CNBD1: variants seen among roughly 807,000 people sequenced by gnomAD.
CNBD1 encodes the protein cyclic nucleotide-binding domain-containing protein 1.
CNBD1 carries 71 observed loss-of-function variants against 54.4 expected under a neutral mutation model. The ratio of observed to expected loss-of-function variants is 1.30; its 90% confidence interval spans 1.08 to 1.59. The LOEUF is 1.59. Among genes scored for constraint, CNBD1 ranks in the 40% most tolerant of loss-of-function variants. The probability of loss-of-function intolerance (pLI) is 0.00; values close to 1 mark genes in which losing one functional copy is unlikely to be tolerated. For synonymous variants in CNBD1, 182 were observed against 170.7 expected, an observed-to-expected ratio of 1.07 and a Z score of -0.51; for missense variants, 659 against 518.0, an observed-to-expected ratio of 1.27 and a Z score of -2.64.
intron 2 of CNBD1, among the ~76,000 whole-genome samples, chr8:87,389,204 C>T (rs1224099440): frequency 1.3e-5 from 2 of 152,104 alleles, no homozygotes; most frequent in Admixed American, 6.6e-5. Flanking sequence ...ACAGGGATGC[C>T]CTCTCTCACC....
intron 4 of CNBD1, among the ~76,000 whole-genome samples, chr8:87,038,595 A>G (rs1809998840): frequency 6.6e-6 from 1 of 152,230 alleles, no homozygotes; most frequent in African/African-American, 2.4e-5. Flanking sequence ...TATGGGAGTT[A>G]CAAATCTTGC....
At chr8:86,949,304 G>A (rs548816053) in intron 4 of CNBD1, among the ~76,000 whole-genome samples, 73 of 152,208 alleles carry the variant, frequency 4.8e-4, no homozygotes, top group African/African-American at 1.7e-3. Flanking sequence ...TTGGTATTTT[G>A]ATAGAGATTG....
intron 4 of CNBD1, among the ~76,000 whole-genome samples, chr8:87,002,252 C>T (rs900289584): frequency 2.6e-5 from 4 of 152,076 alleles, no homozygotes; most frequent in African/African-American, 9.7e-5. Flanking sequence ...TCACCAGCAT[C>T]TCTCTCATAC....
chr8:87,087,839 T>C (rs1394241499), intron 4 of CNBD1, among the ~76,000 whole-genome samples: 1 of 152,204 alleles, frequency 6.6e-6, no homozygotes, highest in African/African-American at 2.4e-5. Flanking sequence ...TTTACCTTTC[T>C]CATTTTACAG....
At chr8:87,239,812 T>C (rs1211355711) in intron 6 of CNBD1, among the ~76,000 whole-genome samples, 2 of 147,578 alleles carry the variant, frequency 1.4e-5, no homozygotes, top group African/African-American at 2.6e-5. Flanking sequence ...AGTGAAACAA[T>C]TTTTTTTTTG....
At chr8:87,170,715 A>G (rs940165963) in intron 4 of CNBD1, among the ~76,000 whole-genome samples, 5 of 152,138 alleles carry the variant, frequency 3.3e-5, no homozygotes, top group Admixed American at 6.5e-5. Context: ...GAGTATACCT[A>G]TCTTGAAGGG....
At chr8:87,158,239 T>G (rs533140711) in intron 4 of CNBD1, among the ~76,000 whole-genome samples, 26 of 152,134 alleles carry the variant, frequency 1.7e-4, no homozygotes, top group Non-Finnish European at 3.4e-4. Flanking sequence ...ATAACATTTC[T>G]CTGCCTCCAT....
chr8:87,379,548 TA>T (rs1033222369), intron 10 of CNBD1, among the ~76,000 whole-genome samples: 1 of 151,728 alleles, frequency 6.6e-6, no homozygotes, highest in African/African-American at 2.4e-5. Flanking sequence ...TTGTTAAATT[TA>T]AAAAAAATCC....
intron 4 of CNBD1, among the ~76,000 whole-genome samples, chr8:87,183,632 G>T (rs1366225320): frequency 6.6e-6 from 1 of 152,070 alleles, no homozygotes; most frequent in Non-Finnish European, 1.5e-5. Flanking sequence ...CAGAATTCTT[G>T]TACTAGTTCT....
Position 87,002,917 on chromosome 8 carries a change from T to TA in CNBD1, c.431+63170dup, listed in dbSNP as rs942992914. Among the ~76,000 whole-genome samples, 4 of 152,258 alleles carry TA rather than the reference T, an allele frequency of 2.6e-5. No individual in the cohort carries two copies. The East Asian group carries it at 5.8e-4, about 22-fold the overall frequency. ...AAGTTTCTGGCATGTATTATGTTTGTAAAAAAATATTTATTGACTATTTTA... is the reference window on the plus strand; with the variant it reads ...AAGTTTCTGGCATGTATTATGTTTGTAAAAAAAATATTTATTGACTATTTTA... On this transcript the variant is annotated intron_variant, in intron 4 of 10. Coordinates refer to ENST00000518476, the MANE Select transcript of CNBD1 (RefSeq NM_173538.3).
chr8:87,366,135 A>G (rs1427061608), intron 10 of CNBD1, among the ~76,000 whole-genome samples: 1 of 152,092 alleles, frequency 6.6e-6, no homozygotes, highest in Non-Finnish European at 1.5e-5. Flanking sequence ...TAAATTTAGC[A>G]GCTTTAAACA....
intron 4 of CNBD1, among the ~76,000 whole-genome samples, chr8:87,203,915 G>A (rs904233141): frequency 1.3e-5 from 2 of 152,186 alleles, no homozygotes; most frequent in Non-Finnish European, 2.9e-5. Flanking sequence ...CAACATTGCT[G>A]TTTTGCTGGG....
intron 4 of CNBD1, among the ~76,000 whole-genome samples, chr8:87,100,772 G>A (rs757089904): frequency 3.9e-4 from 60 of 152,204 alleles, no homozygotes; most frequent in African/African-American, 1.4e-3. Flanking sequence ...ACCATGCCTG[G>A]CCAGAAAGCC....
At chr8:87,363,687 T>A (rs1410622550) in intron 10 of CNBD1, among the ~76,000 whole-genome samples, 1 of 152,098 alleles carries the variant, frequency 6.6e-6, no homozygotes, top group Non-Finnish European at 1.5e-5. Flanking sequence ...TTTCGCCCAC[T>A]TTTTGATGGG....
intron 4 of CNBD1, among the ~76,000 whole-genome samples, chr8:87,080,607 C>T (rs1487556405): frequency 6.6e-6 from 1 of 151,730 alleles, no homozygotes; most frequent in African/African-American, 2.4e-5. Flanking sequence ...TTCCCTTTTA[C>T]TTTCTGCAAA....
At chr8:87,390,354 C>A (rs1163125738) in intron 2 of CNBD1, among the ~76,000 whole-genome samples, 1 of 152,094 alleles carries the variant, frequency 6.6e-6, no homozygotes, top group Non-Finnish European at 1.5e-5. Flanking sequence ...ACTCATCTGA[C>A]AAAGGGCTAA....
At chr8:86,885,389 C>T (rs1297662109) in intron 1 of CNBD1, among the ~76,000 whole-genome samples, 1 of 152,088 alleles carries the variant, frequency 6.6e-6, no homozygotes, top group Non-Finnish European at 1.5e-5. Context: ...ATTTTCTAAC[C>T]CCTTTCCAGC....
intron 2 of CNBD1, among the ~76,000 whole-genome samples, chr8:87,396,097 A>G (rs1811404964): frequency 6.6e-6 from 1 of 151,950 alleles, no homozygotes; most frequent in African/African-American, 2.4e-5. Flanking sequence ...CTAATACAAC[A>G]GATAAAGATA....
At chr8:87,028,687 C>T (rs1336182270) in intron 4 of CNBD1, among the ~76,000 whole-genome samples, 2 of 152,052 alleles carry the variant, frequency 1.3e-5, no homozygotes, top group African/African-American at 4.8e-5. Context: ...ATGCAGGGGG[C>T]CTGATGTCTC....
Sources: allele counts gnomAD v4.1 joint callset (sites outside exome capture counted in the v4.1 genomes callset), GRCh38; gene constraint gnomAD v4.1.1; transcripts MANE v1.5; gene names NCBI Gene and HGNC (gene_info 2026-07-23, HGNC 2026-07-21).